Variants in ZNF253 observed in about 807,000 individuals in gnomAD.
ZNF253 encodes zinc finger protein 253, also known as DNA-binding protein.
In ZNF253, 8 loss-of-function variants were observed where a neutral mutation model predicts 11.9. The observed-to-expected ratio is 0.67, with a 90% CI of 0.40 to 1.22. The LOEUF is 1.22. ZNF253 is among the 50% of genes most tolerant of loss of function. The pLI is 0.01. For missense variants in ZNF253, 485 were observed against 586.9 expected, an observed-to-expected ratio of 0.83 and a Z score of 1.79; for synonymous variants, 194 against 194.9, an observed-to-expected ratio of 1.00 and a Z score of 0.04.
rs35114806 is a variant in ZNF253 at position 19,890,498 on chromosome 19, TTGTGTGTGTGTG to T, written c.227-943_227-932del. 3.2e-3 allele frequency among the ~76,000 whole-genome samples: 455 copies of T among 141,038 alleles called. 2 individuals are homozygous for T. The highest frequency in any genetic ancestry group is 0.01 in the African/African-American group (384 of 37,860). 92.5% of individuals were successfully genotyped at this position (141,038 alleles called of 152,430 possible). Reference sequence around the variant, plus strand: ...GAAACCAGGAGTTGGCAATTTATATTTGTGTGTGTGTGTGTGTGTGTGTGTGTGTGTGTGTGT... The same window carrying T: ...GAAACCAGGAGTTGGCAATTTATATTTGTGTGTGTGTGTGTGTGTGTGTGT... On this transcript the variant is annotated intron_variant, in intron 3 of 3. Coordinates refer to ENST00000589717, the MANE Select transcript of ZNF253 (RefSeq NM_021047.3).
At chr19:19,876,866 C>G (rs1045599851) in intron 1 of ZNF253, among the ~76,000 whole-genome samples, 2 of 152,014 alleles carry the variant, frequency 1.3e-5, no homozygotes, top group African/African-American at 2.4e-5. Context: ...TTATGATAGT[C>G]AAGAGTCTCT....
chr19:19,886,541 T>C (rs557220166), intron 3 of ZNF253, among the ~76,000 whole-genome samples: 37 of 152,308 alleles, frequency 2.4e-4, no homozygotes, highest in African/African-American at 8.9e-4. Context: ...AATGGCTTGG[T>C]ATATCCTCTT....
At chr19:19,872,578 TATTATTA>T (rs1164357889) in intron 1 of ZNF253, among the ~76,000 whole-genome samples, 15 of 105,278 alleles carry the variant, frequency 1.4e-4, no homozygotes, top group Non-Finnish European at 2.1e-4. Flanking sequence ...TATATATATA[TATTATTA>T]TATATATATA....
Position 19,892,751 on chromosome 19 carries a change from A to G in ZNF253, c.*4A>G, listed in dbSNP as rs1209550416. The G allele has an allele frequency of 1.9e-6, 3 of 1,576,890 alleles. No individual in the cohort carries two copies. Among genetic ancestry groups the G allele is most frequent in the Non-Finnish European group, 2.6e-6 (3 of 1,164,724 alleles). Reference sequence around the variant, plus strand: ...ACTTTTAATTAGCATAAGATAATTCATACTGGAGAGAAACCCTATGAATGT... The same window carrying G: ...ACTTTTAATTAGCATAAGATAATTCGTACTGGAGAGAAACCCTATGAATGT... On this transcript the variant is annotated 3_prime_UTR_variant, in exon 4 of 4. Transcript: ENST00000589717.
At chr19:19,876,395 G>A (rs1599552333) in intron 1 of ZNF253, among the ~76,000 whole-genome samples, 1 of 152,290 alleles carries the variant, frequency 6.6e-6, no homozygotes, top group East Asian at 1.9e-4. Context: ...GGGTTTGGTA[G>A]GGATAGGTCA....
At chr19:19,868,445 G>A (rs1212189920) in intron 1 of ZNF253, among the ~76,000 whole-genome samples, 1 of 152,106 alleles carries the variant, frequency 6.6e-6, no homozygotes, top group Non-Finnish European at 1.5e-5. Context: ...TTTATTAAAT[G>A]GAGAATTCTT....
chr19:19,867,443 C>G (rs1392735068), intron 1 of ZNF253, among the ~76,000 whole-genome samples: 1 of 152,104 alleles, frequency 6.6e-6, no homozygotes, highest in Non-Finnish European at 1.5e-5. Flanking sequence ...CTTATTTAGC[C>G]TCAACCTCCC....
rs557636888 is a variant in ZNF253 at position 19,869,684 on chromosome 19, TTTTA to T, written c.3+3686_3+3689del. Among the ~76,000 whole-genome samples, 130 of 118,084 alleles carry T rather than the reference TTTTA, an allele frequency of 1.1e-3. 1 individual carries two copies. The highest frequency in any genetic ancestry group is 5.2e-3 in the African/African-American group (112 of 21,436). The allele number at this position is 118,084 out of a possible 152,430, so 77.5% of individuals were successfully genotyped here. A position where few individuals can be genotyped will look rare whatever the true frequency, so the allele number is the denominator to read the frequency against. ...CCTTTTTTTTTTTTTTTTTTTTTTTTTTTAAAAAACAGTCTTACTCTGTTGCCCA... is the reference window on the plus strand; with the variant it reads ...CCTTTTTTTTTTTTTTTTTTTTTTTTAAAAACAGTCTTACTCTGTTGCCCA... On this transcript the variant is annotated intron_variant, in intron 1 of 3. Coordinates refer to ENST00000589717, the MANE Select transcript of ZNF253 (RefSeq NM_021047.3).
At chr19:19,888,130 G>C (rs3943792) in intron 3 of ZNF253, among the ~76,000 whole-genome samples, 56,815 of 150,886 alleles carry the variant, frequency 0.38, 12,987 homozygotes, top group East Asian at 0.66. Flanking sequence ...ATGGCACAAT[G>C]TTGGCTCACT....
At position 19,891,601 on chromosome 19, in the gene ZNF253, C is replaced by T. The variant is rs1044280022; in HGVS notation, c.354C>T (p.Ser118=). Residue 118 remains serine (S), a synonymous_variant, in exon 4 of 4, where the codon AGC becomes AGT. Coordinates refer to ENST00000589717, the MANE Select transcript of ZNF253 (RefSeq NM_021047.3). ...DNLQLKKGCK[S]VGEHKVHKGG... is the part of the protein sequence containing the mutation. Reference sequence around the variant, plus strand: ...TACAGTTAAAAAAAGGCTGTAAAAGCGTGGGTGAGCATAAGGTGCACAAAG... The same window carrying T: ...TACAGTTAAAAAAAGGCTGTAAAAGTGTGGGTGAGCATAAGGTGCACAAAG... 12 of 1,614,000 alleles carry T rather than the reference C, an allele frequency of 7.4e-6. No homozygotes were observed. The highest frequency in any genetic ancestry group is 1.6e-4 in the Middle Eastern group (1 of 6,062).
intron 3 of ZNF253, 33 bp from the exon 4 acceptor site, chr19:19,891,441 A>G: frequency 6.6e-7 from 1 of 1,509,060 alleles, no homozygotes; most frequent in Non-Finnish European, 8.9e-7. Flanking sequence ...GAGTCTAGCA[A>G]TTGAAGTAAT....
At chr19:19,874,248 T>C (rs2145262308) in intron 1 of ZNF253, among the ~76,000 whole-genome samples, 1 of 152,054 alleles carries the variant, frequency 6.6e-6, no homozygotes, top group South Asian at 2.1e-4. Flanking sequence ...TAGGAAGGCC[T>C]GGTGCAGTGC....
Position 19,891,461 on chromosome 19 carries a change from T to C in ZNF253, c.227-13T>C. On this transcript the variant is annotated splice_polypyrimidine_tract_variant and intron_variant, in intron 3 of 3. Transcript: ENST00000589717. ...TAGCAATTGAAGTAATGTGTTTTTATTGTTTCTTTTAGTTATGAGTTCTCA... is the reference window on the plus strand; with the variant it reads ...TAGCAATTGAAGTAATGTGTTTTTACTGTTTCTTTTAGTTATGAGTTCTCA... 6.4e-7 allele frequency: 1 copy of C among 1,556,878 alleles called. No homozygotes were observed. Among genetic ancestry groups the C allele is most frequent in the Middle Eastern group, 1.7e-4 (1 of 5,796 alleles).
At chr19:19,886,716 A>G (rs1317384818) in intron 3 of ZNF253, among the ~76,000 whole-genome samples, 2 of 152,240 alleles carry the variant, frequency 1.3e-5, no homozygotes, top group African/African-American at 4.8e-5. Flanking sequence ...CACCAGAAGC[A>G]GATGCTGGCA....
intron 3 of ZNF253, among the ~76,000 whole-genome samples, chr19:19,882,034 C>G (rs1336370806): frequency 5.3e-5 from 8 of 151,798 alleles, no homozygotes; most frequent in African/African-American, 1.9e-4. Flanking sequence ...ACTAAAAATA[C>G]AAAAGTTAGC....
chr19:19,892,487 CAT>C lies in ZNF253; in HGVS notation c.1242_1243del (p.His414GlnfsTer13). ...TFTWPSILSK[H>X]KRTHTGEKPY... ...TACCTGGCCCTCAATCCTCTCCAAA[CAT>C]AAAAGAACTCATACTGGAGAGAAAC... On this transcript the variant is annotated frameshift_variant, in exon 4 of 4. Transcript: ENST00000589717. LOFTEE classifies it low-confidence loss of function (END_TRUNC). 1 of 1,613,768 alleles carries C rather than the reference CAT, an allele frequency of 6.2e-7. No homozygotes were observed. Among genetic ancestry groups the C allele is most frequent in the Non-Finnish European group, 8.5e-7 (1 of 1,179,938 alleles).
rs184005204 is a variant in ZNF253 at position 19,893,151 on chromosome 19, G to T, written c.*404G>T. The T allele has an allele frequency of 1.2e-4, 21 of 171,498 alleles. No individual in the cohort carries two copies. The highest frequency in any genetic ancestry group is 4.8e-4 in the African/African-American group (20 of 41,662). The allele number at this position is 171,498 out of a possible 1,614,324, so 10.6% of individuals were successfully genotyped here. A position where few individuals can be genotyped will look rare whatever the true frequency, so the allele number is the denominator to read the frequency against. ...CAACACCACGCCTGGCTAATTTTTG[G>T]ATTTTTAGTAGAGATGGGGTTTCAC... On this transcript the variant is annotated 3_prime_UTR_variant, in exon 4 of 4. Transcript: ENST00000589717.
At position 19,893,047 on chromosome 19, in the gene ZNF253, C is replaced by T. The variant is rs1159141523; in HGVS notation, c.*300C>T. 8 of 285,582 alleles carry T rather than the reference C, an allele frequency of 2.8e-5. No individual in the cohort carries two copies. The highest frequency in any genetic ancestry group is 7.4e-5 in the East Asian group (1 of 13,538). 17.7% of individuals were successfully genotyped at this position (285,582 alleles called of 1,614,324 possible). ...GGCTGGAGTGCAATGACATGATCTCCGTTCACTGCAATCTCTGCCTCCTGG... is the reference window on the plus strand; with the variant it reads ...GGCTGGAGTGCAATGACATGATCTCTGTTCACTGCAATCTCTGCCTCCTGG... On this transcript the variant is annotated 3_prime_UTR_variant, in exon 4 of 4. Coordinates refer to ENST00000589717, the MANE Select transcript of ZNF253 (RefSeq NM_021047.3).
At chr19:19,882,947 G>A (rs2063184059) in intron 3 of ZNF253, among the ~76,000 whole-genome samples, 1 of 151,318 alleles carries the variant, frequency 6.6e-6, no homozygotes, top group Non-Finnish European at 1.5e-5. Context: ...CTCCAGCCCA[G>A]GCAACAGTGC....
Sources: gnomAD v4.1 joint callset for allele counts (sites outside exome capture counted in the v4.1 genomes callset) on GRCh38, gnomAD v4.1.1 for gene constraint, MANE v1.5 for transcripts, NCBI Gene and HGNC (gene_info 2026-07-23, HGNC 2026-07-21) for gene names.